The following KIFAP3 variants were observed in gnomAD, a reference collection of about 807,000 sequenced individuals.
KIFAP3 encodes kinesin associated protein 3.
In KIFAP3, 68 loss-of-function variants were observed where a neutral mutation model predicts 106.5. The ratio of observed to expected loss-of-function variants is 0.64; its 90% CI spans 0.53 to 0.78. The LOEUF (loss-of-function observed/expected upper bound fraction) is 0.78, where lower values mean the gene tolerates loss of function less well. KIFAP3 is among the 30% of genes least tolerant of loss of function. The pLI, the probability that KIFAP3 is intolerant of heterozygous loss-of-function variation, is 0.00. For missense variants in KIFAP3, 780 were observed against 941.8 expected (o/e 0.83, Z 2.25); for synonymous variants, 320 against 311.5 (o/e 1.03, Z -0.29).
chr1:169,983,222 A>G, intron 13 of KIFAP3, 48 bp downstream of exon 13: 1 of 1,050,336 alleles, frequency 9.5e-7, no homozygotes, highest in Non-Finnish European at 1.4e-6. Flanking sequence ...CAAATGTAGC[A>G]ATTTCAATTC....
At chr1:170,057,286 T>C (rs1165062474) in intron 1 of KIFAP3, among the ~76,000 whole-genome samples, 1 of 152,116 alleles carries the variant, frequency 6.6e-6, no homozygotes, top group Non-Finnish European at 1.5e-5. Context: ...CTCTGTTGTC[T>C]CATATCTTGC....
At chr1:170,080,227 T>G (rs1571784119) in intron 1 of KIFAP3, among the ~76,000 whole-genome samples, 1 of 152,184 alleles carries the variant, frequency 6.6e-6, no homozygotes, top group East Asian at 1.9e-4. Flanking sequence ...TCAAGACCTA[T>G]GCACTGAAAA....
intron 1 of KIFAP3, chr1:170,068,444 G>A (rs906980557): frequency 2.0e-5 from 3 of 151,738 alleles, no homozygotes; most frequent in African/African-American, 7.3e-5. Context: ...ATCACTACAG[G>A]GTTTTTAACA....
chr1:169,980,963 TG>T (rs113740234), intron 15 of KIFAP3, among the ~76,000 whole-genome samples: 6 of 152,076 alleles, frequency 3.9e-5, no homozygotes, highest in Admixed American at 2.0e-4. Flanking sequence ...TAGCTGGGTG[TG>T]GTGGCGCATG....
upstream of KIFAP3, among the ~76,000 whole-genome samples, chr1:170,076,106 C>A (rs982699178): frequency 2.6e-5 from 4 of 152,088 alleles, no homozygotes; most frequent in Non-Finnish European, 4.4e-5. Flanking sequence ...TAAGTTAGCT[C>A]CTTGAGCTCA....
At chr1:170,074,795 A>G, upstream of KIFAP3, 1 of 1,190,994 alleles carries the variant, frequency 8.4e-7, no homozygotes, top group South Asian at 2.3e-5. Flanking sequence ...CGGGGAGCCG[A>G]GCAGGGAAGT....
chr1:170,034,028 A>G (rs1318995920), intron 7 of KIFAP3, among the ~76,000 whole-genome samples: 1 of 151,842 alleles, frequency 6.6e-6, no homozygotes, highest in African/African-American at 2.4e-5. Context: ...AGAAGTATAT[A>G]AGCAGCAGTG....
chr1:170,083,441 A>G (rs1461849912), intron 1 of KIFAP3, among the ~76,000 whole-genome samples: 1 of 152,212 alleles, frequency 6.6e-6, no homozygotes, highest in Non-Finnish European at 1.5e-5. Flanking sequence ...ATTCTTCTGG[A>G]GTAAGAACTT....
At chr1:170,028,346 C>CT (rs57129173) in intron 8 of KIFAP3, among the ~76,000 whole-genome samples, 2,723 of 151,634 alleles carry the variant, frequency 0.018, 80 homozygotes, top group African/African-American at 0.062. Context: ...TTGTTTTTGG[C>CT]TTTTTTTTCT....
At chr1:170,038,578 A>C (rs1669809390) in intron 4 of KIFAP3, 147 bp from the exon 5 acceptor site, 1 of 759,374 alleles carries the variant, frequency 1.3e-6, no homozygotes, top group Admixed American at 2.9e-5. Context: ...TGGATATGGA[A>C]ATTTTAGACC....
chr1:170,074,356 A>C (rs1358824031), intron 1 of KIFAP3, 80 bp downstream of exon 1: 1 of 1,439,794 alleles, frequency 6.9e-7, no homozygotes, highest in Non-Finnish European at 9.6e-7. Context: ...AGCGTTGCCC[A>C]GTGACATCTC....
At position 170,074,602 on chromosome 1, in the gene KIFAP3, CG is replaced by C; in HGVS notation, c.-136del. 1 of 1,533,100 alleles carries C rather than the reference CG, an allele frequency of 6.5e-7. No homozygotes were observed. The highest frequency in any genetic ancestry group is 2.4e-5 in the East Asian group (1 of 41,098). The allele number at this position is 1,533,100 out of a possible 1,614,324, so 95.0% of individuals were successfully genotyped here. On this transcript the variant is annotated 5_prime_UTR_variant, in exon 1 of 20. Coordinates refer to ENST00000361580, the MANE Select transcript of KIFAP3 (RefSeq NM_014970.4). ...TGAGGCCTGCAAGGCGGGGCAGCAG[CG>C]GCGCTGTGGTTACCACGGTGAAGCC...
chr1:169,962,597 C>T (rs1665397660), intron 17 of KIFAP3, among the ~76,000 whole-genome samples: 1 of 152,084 alleles, frequency 6.6e-6, no homozygotes, highest in African/African-American at 2.4e-5. Context: ...ATCACAAAAA[C>T]TAAGAGGTAG....
chr1:169,979,466 A>G (rs1666395202), intron 15 of KIFAP3, among the ~76,000 whole-genome samples: 1 of 152,186 alleles, frequency 6.6e-6, no homozygotes, highest in Non-Finnish European at 1.5e-5. Context: ...CTCAAAAGAG[A>G]AAAATGCACA....
rs1277781871 is a variant in KIFAP3, at chr1:169,978,106, C to A, written c.1876G>T (p.Asp626Tyr). ...YQMVFHQATR[D>Y]VIIKETQAPA... ...ATACGTGTTTCCTTGATTATGACGT[C>A]TCTTGTGGCTTGGTGGAAAACCATC... The change falls in exon 16 of 20, where the codon GAC becomes TAC. Residue 626 changes from aspartate (D) to tyrosine (Y), a missense_variant. By Grantham distance (160) the Asp-to-Tyr change is radical. Transcript: ENST00000361580. The A allele has an allele frequency of 6.2e-7, 1 of 1,608,054 alleles. No homozygotes were observed. Among genetic ancestry groups the A allele is most frequent in the East Asian group, 2.2e-5 (1 of 44,708 alleles).
intron 10 of KIFAP3, among the ~76,000 whole-genome samples, chr1:170,009,876 AT>A (rs1668157963): frequency 6.6e-6 from 1 of 152,178 alleles, no homozygotes; most frequent in African/African-American, 2.4e-5. Context: ...AGCCAAAAAA[AT>A]CTTTAAACAC....
chr1:169,979,448 T>TA (rs561739619), intron 15 of KIFAP3, among the ~76,000 whole-genome samples: 36 of 151,986 alleles, frequency 2.4e-4, no homozygotes, highest in Non-Finnish European at 3.2e-4. Flanking sequence ...CAAATTAAAT[T>TA]AAAAAAACTC....
chr1:169,948,016 C>T (rs1664530737), intron 19 of KIFAP3, among the ~76,000 whole-genome samples: 1 of 151,216 alleles, frequency 6.6e-6, no homozygotes, highest in African/African-American at 2.4e-5. Flanking sequence ...GTTTATTCCA[C>T]TACCCTCAAT....
At chr1:170,011,450 A>C (rs955247320) in intron 10 of KIFAP3, among the ~76,000 whole-genome samples, 14 of 151,076 alleles carry the variant, frequency 9.3e-5, no homozygotes, top group African/African-American at 3.4e-4. Context: ...CTGTTTTGTG[A>C]ACATTTTTGT....
Sources: allele counts gnomAD v4.1 joint callset (sites outside exome capture counted in the v4.1 genomes callset), GRCh38; gene constraint gnomAD v4.1.1; transcripts MANE v1.5; gene names NCBI Gene and HGNC (gene_info 2026-07-23, HGNC 2026-07-21).